EPS8L2: variants seen among roughly 807,000 people sequenced by gnomAD.
EPS8L2 encodes epidermal growth factor receptor kinase substrate 8-like protein 2.
EPS8L2 carries 81 observed loss-of-function variants against 99.4 expected under a neutral mutation model. That is an observed-to-expected ratio of 0.82 (90% CI 0.68 to 0.98). EPS8L2 has a LOEUF of 0.98. Ranked by LOEUF, EPS8L2 falls within the 50% of genes least tolerant of loss-of-function variation. The probability of loss-of-function intolerance (pLI) is 0.00; values close to 1 mark genes in which losing one functional copy is unlikely to be tolerated. For missense variants in EPS8L2, 1,155 were observed against 968.8 expected (o/e 1.19, Z -2.55); for synonymous variants, 509 against 407.3 (o/e 1.25, Z -3.01).
chr11:710,199 G>A (rs930392797), intron 3 of EPS8L2: 7 of 550,150 alleles, frequency 1.3e-5, no homozygotes, highest in African/African-American at 9.5e-5. Context: ...CAAGCCCATC[G>A]CCTTCTCCGA....
chr11:720,903 C>T lies in EPS8L2; in HGVS notation c.551C>T (p.Thr184Ile). The change falls in exon 7 of 21, where the codon ACC becomes ATC. Residue 184 changes from threonine to isoleucine, a missense_variant. Physicochemically the swap from Thr to Ile is moderately conservative, Grantham distance 89. Coordinates refer to ENST00000318562, the MANE Select transcript of EPS8L2 (RefSeq NM_022772.4). ...CRLGKKMRPQ[T>I]LKGHQEKIRQ... is the part of the protein sequence containing the mutation. ...CTGGGCAAGAAGATGCGGCCGCAGA[C>T]CCTGAAGTAGGGCAGCGGGCGGAGC... 2 of 1,290,416 alleles carry T rather than the reference C, an allele frequency of 1.5e-6. No homozygotes were observed. Among genetic ancestry groups the T allele is most frequent in the South Asian group, 1.4e-5 (1 of 73,898 alleles). 79.9% of individuals were successfully genotyped at this position (1,290,416 alleles called of 1,614,324 possible).
At chr11:722,232 G>C in intron 12 of EPS8L2, 67 bp downstream of exon 12, 2 of 1,572,798 alleles carry the variant, frequency 1.3e-6, no homozygotes, top group Non-Finnish European at 1.7e-6. Context: ...CATCTCCCCG[G>C]GGTCGGGGTT....
chr11:722,515 T>C lies in EPS8L2; in HGVS notation c.1174T>C (p.Trp392Arg), dbSNP rs1156501659. ...GHLVPKEMSLWESLGESWMRP... is the reference protein window; with the variant it reads ...GHLVPKEMSLRESLGESWMRP... ...CCTGGTCCCTAAGGAGATGTCGCTG[T>C]GGGAGTCACTGGGAGAGAGCTGGAT... The change falls in exon 13 of 21, where the codon TGG becomes CGG. Residue 392 changes from tryptophan to arginine, a missense_variant. Trp to Arg is a moderately radical substitution (Grantham distance 101). Transcript: ENST00000318562. 1 of 1,613,104 alleles carries C rather than the reference T, an allele frequency of 6.2e-7. No individual in the cohort carries two copies. Among genetic ancestry groups the C allele is most frequent in the Admixed American group, 1.7e-5 (1 of 60,000 alleles).
At chr11:706,944 TC>T (rs1861738966) in intron 1 of EPS8L2, 1 of 152,242 alleles carries the variant, frequency 6.6e-6, no homozygotes, top group Admixed American at 6.5e-5. Flanking sequence ...CATCCTAGAT[TC>T]CTGGTCCCTG....
At position 726,757 on chromosome 11, in the gene EPS8L2, C is replaced by T. The variant is rs761558079; in HGVS notation, c.2067+6C>T. ...TGCAGAAGGCCTTCCTGGAGGTGAG[C>T]CCGCCTGCGCTCCGGCGCCACGCCC... On this transcript the variant is annotated splice_donor_region_variant and intron_variant, in intron 20 of 20. Transcript: ENST00000318562. 3 of 1,585,966 alleles carry T rather than the reference C, an allele frequency of 1.9e-6. No individual in the cohort carries two copies. The highest frequency in any genetic ancestry group is 1.7e-6 in the Non-Finnish European group (2 of 1,168,034).
Position 722,500 on chromosome 11 carries a change from A to G in EPS8L2, c.1159A>G (p.Lys387Glu). Residue 387 changes from lysine to glutamate, a missense_variant, in exon 13 of 21, where the codon AAG (lysine) becomes GAG (glutamate). By Grantham distance (56) the Lys-to-Glu change is moderately conservative. Coordinates refer to ENST00000318562, the MANE Select transcript of EPS8L2 (RefSeq NM_022772.4). ...CTTCCTGCGCGGCCACCTGGTCCCT[A>G]AGGAGATGTCGCTGTGGGAGTCACT... ...VDFLRGHLVP[K>E]EMSLWESLGE... is the part of the protein sequence containing the mutation. 1 of 1,613,176 alleles carries G rather than the reference A, an allele frequency of 6.2e-7. No individual in the cohort carries two copies. The highest frequency in any genetic ancestry group is 8.5e-7 in the Non-Finnish European group (1 of 1,179,824).
In EPS8L2 at chr11:724,670, GTC is replaced by G; in HGVS notation, c.1455-51_1455-50del. On this transcript the variant is annotated intron_variant, in intron 15 of 20. Coordinates refer to ENST00000318562, the MANE Select transcript of EPS8L2 (RefSeq NM_022772.4). This position sits in a 1 kb window ranked among gnomAD's most constrained non-coding sequence, Gnocchi z 5.5. ...CTGCTGCCCCCCAGCCACTGCCCAGGTCTCAGAGGAGACCCCCACCAGACTGG... is the reference window on the plus strand; with the variant it reads ...CTGCTGCCCCCCAGCCACTGCCCAGGTCAGAGGAGACCCCCACCAGACTGG... 1 of 1,311,642 alleles carries G rather than the reference GTC, an allele frequency of 7.6e-7. No individual in the cohort carries two copies. The highest frequency in any genetic ancestry group is 1.1e-6 in the Non-Finnish European group (1 of 906,674). The allele number at this position is 1,311,642 out of a possible 1,614,324, so 81.3% of individuals were successfully genotyped here. A position where few individuals can be genotyped will look rare whatever the true frequency, so the allele number is the denominator to read the frequency against.
rs1564975652 is a variant in EPS8L2 at position 720,919 on chromosome 11, C to T, written c.557+10C>T. 9.4e-7 allele frequency: 1 copy of T among 1,068,596 alleles called. No homozygotes were observed. 66.2% of individuals were successfully genotyped at this position (1,068,596 alleles called of 1,614,324 possible). On this transcript the variant is annotated intron_variant, in intron 7 of 20. Coordinates refer to ENST00000318562, the MANE Select transcript of EPS8L2 (RefSeq NM_022772.4). ...GGCCGCAGACCCTGAAGTAGGGCAG[C>T]GGGCGGAGCGGGGTCGCAGGGGGCG...
intron 16 of EPS8L2, among the ~76,000 whole-genome samples, chr11:725,056 C>T (rs1006481262): frequency 5.3e-5 from 8 of 152,250 alleles, no homozygotes; most frequent in African/African-American, 1.9e-4. Flanking sequence ...CATGCAGAGA[C>T]CCCTGTGCCA....
intron 7 of EPS8L2, 46 bp from the exon 8 acceptor site, chr11:721,015 GGTC>G: frequency 1.8e-6 from 2 of 1,086,328 alleles, no homozygotes; most frequent in Non-Finnish European, 2.4e-6. Flanking sequence ...AGGGAGGGAG[GGTC>G]AGGTGCGTTC....
In EPS8L2 at chr11:725,899, C is replaced by T. The variant is rs1289927888; in HGVS notation, c.1680+52C>T. 2.9e-6 allele frequency: 4 copies of T among 1,366,028 alleles called. No individual in the cohort carries two copies. The South Asian group carries it at 5.2e-5, about 18-fold the overall frequency. The allele number at this position is 1,366,028 out of a possible 1,614,324, so 84.6% of individuals were successfully genotyped here. A position where few individuals can be genotyped will look rare whatever the true frequency, so the allele number is the denominator to read the frequency against. ...GCAGCCCCCAGCTTCCTGGAGCAGC[C>T]CCGCCTGCGCCTAGCCCCGCCCCAA... is the stretch of plus-strand genomic sequence containing the variant. On this transcript the variant is annotated intron_variant, in intron 17 of 20. Transcript: ENST00000318562.
intron 5 of EPS8L2, 28 bp from the exon 6 acceptor site, chr11:720,569 G>C (rs1235941461): frequency 6.3e-7 from 1 of 1,586,046 alleles, no homozygotes; most frequent in Admixed American, 1.8e-5. Flanking sequence ...CCCCGGGTGC[G>C]AGTCGTGTCC....
In EPS8L2 at chr11:720,759, CGGGCGGGGCA is replaced by C. The variant is rs1862135729; in HGVS notation, c.477+17_477+26del. 4.9e-6 allele frequency: 5 copies of C among 1,022,920 alleles called. No homozygotes were observed. Among genetic ancestry groups the C allele is most frequent in the Non-Finnish European group, 4.1e-6 (3 of 731,342 alleles). The allele number at this position is 1,022,920 out of a possible 1,614,324, so 63.4% of individuals were successfully genotyped here. A position where few individuals can be genotyped will look rare whatever the true frequency, so the allele number is the denominator to read the frequency against. ...CGATGAGGTGGAGGTGAGGCGGTGC[CGGGCGGGGCA>C]GGGTGGGGCCCCGCCGCGCCGCGCC... On this transcript the variant is annotated intron_variant, in intron 6 of 20. Coordinates refer to ENST00000318562, the MANE Select transcript of EPS8L2 (RefSeq NM_022772.4).
intron 7 of EPS8L2, 74 bp downstream of exon 7, chr11:720,983 C>A: frequency 7.3e-7 from 1 of 1,367,614 alleles, no homozygotes; most frequent in Non-Finnish European, 9.8e-7. Context: ...GAGGAGCCGG[C>A]AGGGGAGGGG....
At chr11:720,964 AG>A (rs1369783651) in intron 7 of EPS8L2, 55 bp downstream of exon 7, 339 of 930,406 alleles carry the variant, frequency 3.6e-4, no homozygotes, top group East Asian at 1.0e-3. Context: ...GGAGCCCGGC[AG>A]GGGAGGGGAG....
At chr11:709,953 C>G (rs930088883) in intron 3 of EPS8L2, 4 of 449,772 alleles carry the variant, frequency 8.9e-6, no homozygotes, top group East Asian at 4.2e-5. Flanking sequence ...CACCTCCCCC[C>G]ACTCTGCCCT....
rs1045058558 is a variant in EPS8L2 at position 727,113 on chromosome 11, CCT to C, written c.*133_*134del. 1.3e-5 allele frequency: 9 copies of C among 682,182 alleles called. No homozygotes were observed. The highest frequency in any genetic ancestry group is 1.1e-4 in the Admixed American group (4 of 37,710). 42.3% of individuals were successfully genotyped at this position (682,182 alleles called of 1,614,324 possible). A position where few individuals can be genotyped will look rare whatever the true frequency, so the allele number is the denominator to read the frequency against. On this transcript the variant is annotated 3_prime_UTR_variant, in exon 21 of 21. Coordinates refer to ENST00000318562, the MANE Select transcript of EPS8L2 (RefSeq NM_022772.4). ...GTGGTGCTGGCTAGAGGTCCCTGCC[CCT>C]GTCTGGAGGCACAACGCCCATCCTT...
At chr11:723,670 G>A (rs1247757394) in intron 15 of EPS8L2, among the ~76,000 whole-genome samples, 1 of 152,136 alleles carries the variant, frequency 6.6e-6, no homozygotes, top group East Asian at 1.9e-4. Flanking sequence ...CTGGCACCCT[G>A]TTGGGGCTGT....
intron 11 of EPS8L2, 30 bp from the exon 12 acceptor site, chr11:722,061 C>T (rs771815268): frequency 9.9e-6 from 16 of 1,611,318 alleles, no homozygotes; most frequent in South Asian, 7.7e-5. Flanking sequence ...CGCCCCGCCC[C>T]GGCACCTGCT....
Sources: gnomAD v4.1 joint callset for allele counts (sites outside exome capture counted in the v4.1 genomes callset) on GRCh38, gnomAD v4.1.1 for gene constraint, Gnocchi (gnomAD v3.1) non-coding constraint, MANE v1.5 for transcripts, NCBI Gene and HGNC (gene_info 2026-07-23, HGNC 2026-07-21) for gene names.